The following GPC5 variants were observed in gnomAD, a reference collection of about 807,000 sequenced individuals.
The protein encoded by GPC5 is glypican 5, also known as glypican-5.
A neutral mutation model predicts 53.9 loss-of-function variants in GPC5; 47 were observed. The observed-to-expected ratio is 0.87, with a 90% CI of 0.69 to 1.11. The LOEUF is 1.11. Ranked by LOEUF, GPC5 falls within the 50% of genes most tolerant of loss-of-function variation. GPC5 has a pLI of 0.00. For synonymous variants in GPC5, 286 were observed against 263.3 expected (o/e 1.09, Z -0.84); for missense variants, 748 against 713.1 (o/e 1.05, Z -0.56).
chr13:92,501,557 A>G (rs1424149957), intron 7 of GPC5, among the ~76,000 whole-genome samples: 1 of 152,110 alleles, frequency 6.6e-6, no homozygotes, highest in Non-Finnish European at 1.5e-5. Context: ...AATTTCCCAT[A>G]TCCAGTGAAA....
chr13:91,613,655 G>A (rs2033619986), intron 2 of GPC5, among the ~76,000 whole-genome samples: 1 of 152,120 alleles, frequency 6.6e-6, no homozygotes, highest in South Asian at 2.1e-4. Context: ...CTACAAGGAA[G>A]AAGAAGAAGT....
intron 2 of GPC5, among the ~76,000 whole-genome samples, chr13:91,529,325 C>T (rs988729251): frequency 4.6e-5 from 7 of 152,094 alleles, no homozygotes; most frequent in Non-Finnish European, 8.8e-5. Flanking sequence ...ATATATACCC[C>T]ATATTTTGAT....
chr13:92,780,855 T>G (rs1489099580), intron 7 of GPC5, among the ~76,000 whole-genome samples: 1 of 152,100 alleles, frequency 6.6e-6, no homozygotes, highest in Non-Finnish European at 1.5e-5. Context: ...TTTAAAGGAA[T>G]TTTTTAATTG....
intron 7 of GPC5, among the ~76,000 whole-genome samples, chr13:92,154,694 T>C (rs1404701225): frequency 6.6e-6 from 1 of 152,208 alleles, no homozygotes; most frequent in Admixed American, 6.5e-5. Flanking sequence ...CTAGTTTCTT[T>C]GCCATCTGGT....
intron 7 of GPC5, among the ~76,000 whole-genome samples, chr13:92,381,826 C>T (rs531980935): frequency 1.1e-5 from 1 of 88,148 alleles, no homozygotes; most frequent in African/African-American, 4.0e-5. Context: ...CATATATAAT[C>T]ATATATATTA....
intron 7 of GPC5, among the ~76,000 whole-genome samples, chr13:92,624,777 A>G (rs1394885863): frequency 1.3e-5 from 2 of 152,228 alleles, no homozygotes; most frequent in Admixed American, 6.5e-5. Flanking sequence ...GCGGGGAGAC[A>G]TAACACAATC....
chr13:92,402,689 G>A (rs1308395313), intron 7 of GPC5, among the ~76,000 whole-genome samples: 1 of 152,132 alleles, frequency 6.6e-6, no homozygotes, highest in Non-Finnish European at 1.5e-5. Flanking sequence ...TTTCTATTTG[G>A]TTAGGCTTGT....
chr13:91,599,119 G>A (rs971992500), intron 2 of GPC5, among the ~76,000 whole-genome samples: 19 of 152,018 alleles, frequency 1.2e-4, no homozygotes, highest in Non-Finnish European at 1.6e-4. Context: ...TGAGATTTTA[G>A]TGTATTCATC....
chr13:92,070,492 A>G (rs917496340), intron 6 of GPC5, among the ~76,000 whole-genome samples: 8 of 152,236 alleles, frequency 5.3e-5, no homozygotes, highest in African/African-American at 1.9e-4. Context: ...AGGTCTTCCC[A>G]GATGATCCCA....
At chr13:91,435,194 G>A (rs1385138026) in intron 1 of GPC5, among the ~76,000 whole-genome samples, 2 of 152,182 alleles carry the variant, frequency 1.3e-5, no homozygotes, top group South Asian at 2.1e-4. Flanking sequence ...TCTCCTGCCT[G>A]ATTGCCCTGG....
At chr13:91,829,299 G>T (rs2038620093) in intron 5 of GPC5, among the ~76,000 whole-genome samples, 1 of 151,828 alleles carries the variant, frequency 6.6e-6, no homozygotes, top group Admixed American at 6.6e-5. Flanking sequence ...AATAAAAGCA[G>T]AAAAAAGACA....
At chr13:91,863,372 G>C (rs2039050876) in intron 5 of GPC5, among the ~76,000 whole-genome samples, 1 of 152,020 alleles carries the variant, frequency 6.6e-6, no homozygotes, top group East Asian at 1.9e-4. Context: ...AGGGGAATAG[G>C]AATTTTATCT....
rs187360360 is a variant in GPC5, at chr13:92,182,102, T to A, written c.1561+37113T>A. Reference sequence around the variant, plus strand: ...ATTTTTTCTGTTTATTTATTTATTTTTTTTGCCAGGGAATTAATAATCCAA... The same window carrying A: ...ATTTTTTCTGTTTATTTATTTATTTATTTTGCCAGGGAATTAATAATCCAA... On this transcript the variant is annotated intron_variant, in intron 7 of 7. Transcript: ENST00000377067. Among the ~76,000 whole-genome samples, 42 of 152,348 alleles carry A rather than the reference T, an allele frequency of 2.8e-4. No homozygotes were observed. The East Asian group carries it at 4.4e-3, about 16-fold the overall frequency.
chr13:92,755,216 C>T (rs1041880273), intron 7 of GPC5, among the ~76,000 whole-genome samples: 1 of 139,670 alleles, frequency 7.2e-6, no homozygotes. Flanking sequence ...GAACAACCTG[C>T]TCCTGAATGA....
chr13:91,442,872 T>C (rs7332432), intron 1 of GPC5, among the ~76,000 whole-genome samples: 2,140 of 152,342 alleles, frequency 0.014, 59 homozygotes, highest in African/African-American at 0.05. Context: ...TTTCTCTTAT[T>C]GTTTATTATG....
intron 2 of GPC5, among the ~76,000 whole-genome samples, chr13:91,672,120 A>G (rs2035265062): frequency 1.3e-5 from 2 of 152,154 alleles, no homozygotes; most frequent in Admixed American, 1.3e-4. Flanking sequence ...TTAAATGTAA[A>G]GCCCAAAACC....
At chr13:91,766,951 A>G (rs1162865117) in intron 5 of GPC5, among the ~76,000 whole-genome samples, 2 of 152,230 alleles carry the variant, frequency 1.3e-5, no homozygotes, top group African/African-American at 4.8e-5. Context: ...CCTAGATATA[A>G]CATAGTCAAT....
At chr13:91,692,924 G>A (rs752408956) in intron 2 of GPC5, among the ~76,000 whole-genome samples, 1 of 152,208 alleles carries the variant, frequency 6.6e-6, no homozygotes, top group African/African-American at 2.4e-5. Context: ...AATTACAGGC[G>A]TGAGCCACCA....
At chr13:92,436,559 C>T (rs771803073) in intron 7 of GPC5, among the ~76,000 whole-genome samples, 1 of 152,182 alleles carries the variant, frequency 6.6e-6, no homozygotes, top group Non-Finnish European at 1.5e-5. Context: ...CACATTACAT[C>T]ACTCATCCTT....
Sources: gnomAD v4.1 joint callset for allele counts (sites outside exome capture counted in the v4.1 genomes callset) on GRCh38, gnomAD v4.1.1 for gene constraint, MANE v1.5 for transcripts, NCBI Gene and HGNC (gene_info 2026-07-23, HGNC 2026-07-21) for gene names.